Variants in SAMD4A observed in about 807,000 individuals in gnomAD.
SAMD4A encodes the protein sterile alpha motif domain containing 4A, also known as protein Smaug homolog 1.
A neutral mutation model predicts 81.3 loss-of-function variants in SAMD4A; 33 were observed. The observed-to-expected ratio is 0.41, with a 90% confidence interval of 0.31 to 0.54. SAMD4A has a LOEUF of 0.54. SAMD4A is among the 20% of genes least tolerant of loss of function. SAMD4A has a pLI of 0.37. For missense variants in SAMD4A, 854 were observed against 951.1 expected, an observed-to-expected ratio of 0.90 and a Z score of 1.34; for synonymous variants, 389 against 382.1, an observed-to-expected ratio of 1.02 and a Z score of -0.21.
intron 4 of SAMD4A, among the ~76,000 whole-genome samples, chr14:54,742,346 G>T (rs1404657141): frequency 6.6e-6 from 1 of 152,092 alleles, no homozygotes; most frequent in African/African-American, 2.4e-5. Context: ...TAGAATGGGG[G>T]GGGCAGCATG....
chr14:54,708,600 G>A (rs563046987), intron 3 of SAMD4A, among the ~76,000 whole-genome samples: 31 of 152,292 alleles, frequency 2.0e-4, no homozygotes, highest in African/African-American at 6.5e-4. Context: ...CAACCTGAAA[G>A]CTGGAGAAAA....
intron 2 of SAMD4A, chr14:54,689,991 G>A (rs2036390417): frequency 1.3e-5 from 2 of 152,232 alleles, no homozygotes; most frequent in African/African-American, 2.4e-5. Flanking sequence ...ACACAAAGCT[G>A]AGGAGGAACA....
At chr14:54,724,046 AAGGAATAATGC>A (rs1171031541) in intron 3 of SAMD4A, among the ~76,000 whole-genome samples, 55 of 151,582 alleles carry the variant, frequency 3.6e-4, no homozygotes, top group African/African-American at 1.3e-3. Flanking sequence ...GGAAGGAAGG[AAGGAATAATGC>A]AGGACGCATC....
rs78254270 is a variant in SAMD4A, at chr14:54,619,468, T to C, written c.196+51356T>C. Among the ~76,000 whole-genome samples, 941 of 152,352 alleles carry C rather than the reference T, an allele frequency of 6.2e-3. 8 individuals are homozygous for C. Among genetic ancestry groups the C allele is most frequent in the African/African-American group, 0.021 (890 of 41,584 alleles). On this transcript the variant is annotated intron_variant, in intron 2 of 12. Coordinates refer to ENST00000554335, the MANE Select transcript of SAMD4A (RefSeq NM_015589.6). The stretch of plus-strand genomic sequence containing the variant: ...TTAGAGGGAATGACTATAACAAGTT[T>C]AACCAAGGGCATGTTAAGAAATTGG...
intron 3 of SAMD4A, among the ~76,000 whole-genome samples, chr14:54,728,923 G>A (rs567869613): frequency 2.0e-5 from 3 of 152,320 alleles, no homozygotes; most frequent in Admixed American, 2.0e-4. Flanking sequence ...ACTGTTCCAT[G>A]TTATCTGGGA....
chr14:54,731,837 T>C (rs1353805872), intron 3 of SAMD4A, among the ~76,000 whole-genome samples: 2 of 152,250 alleles, frequency 1.3e-5, no homozygotes, highest in East Asian at 1.9e-4. Context: ...GAGAATGATA[T>C]TAGGAGTGTA....
At chr14:54,689,282 TTG>T in intron 2 of SAMD4A, among the ~76,000 whole-genome samples, 1 of 152,128 alleles carries the variant, frequency 6.6e-6, no homozygotes, top group South Asian at 2.1e-4. Context: ...CCTCCATACT[TTG>T]TGAACCAGTG....
At chr14:54,777,353 A>G (rs1180260225) in intron 11 of SAMD4A, among the ~76,000 whole-genome samples, 1 of 152,196 alleles carries the variant, frequency 6.6e-6, no homozygotes, top group East Asian at 1.9e-4. Context: ...TAGGCAAGGA[A>G]GCTTCCTGGA....
chr14:54,761,723 T>C (rs1446211094), intron 7 of SAMD4A, among the ~76,000 whole-genome samples: 1 of 152,214 alleles, frequency 6.6e-6, no homozygotes, highest in Non-Finnish European at 1.5e-5. Context: ...AACACTCTTT[T>C]CCTCACCCCA....
intron 2 of SAMD4A, chr14:54,687,317 T>C (rs1489586896): frequency 4.4e-6 from 2 of 456,512 alleles, no homozygotes; most frequent in Non-Finnish European, 8.8e-6. Context: ...CTGCAGACTT[T>C]GGATGTTCTT....
chr14:54,719,084 CT>C (rs1203976221), intron 3 of SAMD4A, among the ~76,000 whole-genome samples: 1 of 152,034 alleles, frequency 6.6e-6, no homozygotes, highest in Non-Finnish European at 1.5e-5. Flanking sequence ...CCCCTTCCTT[CT>C]TGTAGAACAG....
At chr14:54,640,204 T>A (rs2035141492) in intron 2 of SAMD4A, among the ~76,000 whole-genome samples, 1 of 152,126 alleles carries the variant, frequency 6.6e-6, no homozygotes, top group Admixed American at 6.5e-5. Flanking sequence ...CCCTCTTCCT[T>A]CATCTCCCAG....
intron 2 of SAMD4A, among the ~76,000 whole-genome samples, chr14:54,593,875 T>TG (rs200795694): frequency 0.036 from 5,542 of 152,000 alleles, 97 homozygotes; most frequent in East Asian, 0.054. Flanking sequence ...ATGAGCCAAG[T>TG]GGGGGAGAAT....
chr14:54,697,478 C>T (rs891328048), intron 2 of SAMD4A, among the ~76,000 whole-genome samples: 4 of 152,150 alleles, frequency 2.6e-5, no homozygotes, highest in Admixed American at 2.0e-4. Context: ...TCATTCTCTC[C>T]TTGAGGGTAG....
intron 3 of SAMD4A, among the ~76,000 whole-genome samples, chr14:54,722,690 G>A (rs1310604031): frequency 6.6e-6 from 1 of 152,130 alleles, no homozygotes; most frequent in Non-Finnish European, 1.5e-5. Flanking sequence ...GAGTGGATTA[G>A]ATGATATTCA....
chr14:54,685,190 A>G (rs1429069409), intron 2 of SAMD4A, among the ~76,000 whole-genome samples: 2 of 150,754 alleles, frequency 1.3e-5, no homozygotes, highest in African/African-American at 4.9e-5. Context: ...TTGTGTGACC[A>G]TCACAGCTAT....
At chr14:54,778,027 A>G (rs914831146) in intron 11 of SAMD4A, among the ~76,000 whole-genome samples, 1 of 152,184 alleles carries the variant, frequency 6.6e-6, no homozygotes, top group Non-Finnish European at 1.5e-5. Context: ...ATAAAAAAGA[A>G]TCTGGACAAG....
rs575647677 is a variant in SAMD4A, at chr14:54,695,859, A to G, written c.197-6203A>G. On this transcript the variant is annotated intron_variant, in intron 2 of 12. Transcript: ENST00000554335. ...TCCCAGCTACTTGGGAGGCTGAATC[A>G]GGAGAATCGCTTGAACCCAGGAGGC... 4.5e-3 allele frequency among the ~76,000 whole-genome samples: 681 copies of G among 151,250 alleles called. 5 individuals carry two copies. The highest frequency in any genetic ancestry group is 0.026 in the South Asian group (125 of 4,732).
chr14:54,788,974 C>G lies in SAMD4A; in HGVS notation c.*30C>G. ...TGAAGACGAGAGTGACCGCGCTGGC[C>G]GTGAAATCGACTGCTGCGGGTCCAG... On this transcript the variant is annotated 3_prime_UTR_variant, in exon 13 of 13. Coordinates refer to ENST00000554335, the MANE Select transcript of SAMD4A (RefSeq NM_015589.6). 3.1e-6 allele frequency: 5 copies of G among 1,613,236 alleles called. No homozygotes were observed. The highest frequency in any genetic ancestry group is 3.4e-6 in the Non-Finnish European group (4 of 1,179,196).
Sources: allele counts gnomAD v4.1 joint callset (sites outside exome capture counted in the v4.1 genomes callset), GRCh38; gene constraint gnomAD v4.1.1; transcripts MANE v1.5; gene names NCBI Gene and HGNC (gene_info 2026-07-23, HGNC 2026-07-21).